Variants in RUFY3 observed in about 807,000 individuals in gnomAD.
The protein encoded by RUFY3 is protein RUFY3.
In RUFY3, 34 loss-of-function variants were observed where a neutral mutation model predicts 84.0. The ratio of observed to expected loss-of-function variants is 0.40; its 90% CI spans 0.31 to 0.54. The LOEUF (loss-of-function observed/expected upper bound fraction) is 0.54. Ranked by LOEUF, RUFY3 falls within the 20% of genes least tolerant of loss-of-function variation. The pLI, the probability that RUFY3 is intolerant of heterozygous loss-of-function variation, is 0.39. For missense variants in RUFY3, 507 were observed against 736.8 expected, an observed-to-expected ratio of 0.69 and a Z score of 3.61; for synonymous variants, 242 against 252.9, an observed-to-expected ratio of 0.96 and a Z score of 0.41.
chr4:70,794,946 GAGGC>G (rs780898132), intron 14 of RUFY3, 52 bp downstream of exon 14: 40 of 1,226,252 alleles, frequency 3.3e-5, no homozygotes, highest in Non-Finnish European at 4.4e-5. Flanking sequence ...TTAAATTTTA[GAGGC>G]TACCTTGATA....
chr4:70,705,286 G>C (rs1282356949), exon 1 of RUFY3: 4 of 1,417,386 alleles, frequency 2.8e-6, no homozygotes, highest in Non-Finnish European at 3.7e-6. Flanking sequence ...AGCGGCAGCG[G>C]CAAGCACCGT....
At chr4:70,795,646 A>G (rs1297607172) in intron 14 of RUFY3, among the ~76,000 whole-genome samples, 4 of 152,210 alleles carry the variant, frequency 2.6e-5, no homozygotes, top group African/African-American at 7.2e-5. Flanking sequence ...AAAGGTAAAG[A>G]TATATAAACT....
At chr4:70,793,533 C>T (rs941732899) in intron 12 of RUFY3, 12 of 1,349,250 alleles carry the variant, frequency 8.9e-6, no homozygotes, top group Non-Finnish European at 1.1e-5. Context: ...AACTGTAGTA[C>T]TAGAATAAAA....
chr4:70,704,847 G>A (rs1740070077), exon 1 of RUFY3: 2 of 870,136 alleles, frequency 2.3e-6, no homozygotes, highest in East Asian at 3.8e-5. Flanking sequence ...GCAGCGGACG[G>A]GACGGGGCGG....
intron 1 of RUFY3, among the ~76,000 whole-genome samples, chr4:70,751,185 T>C (rs535684578): frequency 6.6e-6 from 1 of 152,324 alleles, no homozygotes; most frequent in Admixed American, 6.5e-5. Flanking sequence ...GTAGTGAGCA[T>C]AGTACCCAAC....
intron 4 of RUFY3, among the ~76,000 whole-genome samples, chr4:70,767,401 C>T (rs916035797): frequency 6.7e-5 from 10 of 149,960 alleles, no homozygotes; most frequent in South Asian, 2.1e-4. Context: ...TGAGCCACTG[C>T]GCCTGGCGAT....
At chr4:70,804,098 T>A (rs1219462210) in intron 16 of RUFY3, among the ~76,000 whole-genome samples, 1 of 152,174 alleles carries the variant, frequency 6.6e-6, no homozygotes, top group African/African-American at 2.4e-5. Flanking sequence ...TAAAACTTTT[T>A]ACTCTATACT....
chr4:70,743,516 C>G (rs940388514), intron 1 of RUFY3, among the ~76,000 whole-genome samples: 2 of 152,098 alleles, frequency 1.3e-5, no homozygotes, highest in African/African-American at 4.8e-5. Flanking sequence ...AGGCAAGATT[C>G]TATTTCTTTA....
rs746825570 is a variant in RUFY3 at position 70,808,312 on chromosome 4, T to C, written c.*1653T>C. On this transcript the variant is annotated 3_prime_UTR_variant, in exon 18 of 18. Coordinates refer to ENST00000381006, the MANE Select transcript of RUFY3 (RefSeq NM_001037442.4). ...CTATCTATCTTTGAGTAACAAACTCTTTGGGGGAAAAGAGGGAAGTGTATT... is the reference window on the plus strand; with the variant it reads ...CTATCTATCTTTGAGTAACAAACTCCTTGGGGGAAAAGAGGGAAGTGTATT... 3.3e-5 allele frequency among the ~76,000 whole-genome samples: 5 copies of C among 151,812 alleles called. No individual in the cohort carries two copies. Among genetic ancestry groups the C allele is most frequent in the Non-Finnish European group, 5.9e-5 (4 of 68,032 alleles).
intron 10 of RUFY3, among the ~76,000 whole-genome samples, chr4:70,787,213 T>TAA (rs781765229): frequency 2.6e-5 from 3 of 115,698 alleles, no homozygotes; most frequent in Non-Finnish European, 5.1e-5. Flanking sequence ...TATATATATA[T>TAA]AAAAACAAAT....
intron 1 of RUFY3, among the ~76,000 whole-genome samples, chr4:70,744,189 A>T (rs958999723): frequency 3.3e-5 from 5 of 151,856 alleles, no homozygotes; most frequent in Non-Finnish European, 5.9e-5. Context: ...CTTTTTTAAA[A>T]TTTTATTTTA....
intron 1 of RUFY3, among the ~76,000 whole-genome samples, chr4:70,729,053 T>A (rs1399228649): frequency 6.6e-6 from 1 of 152,190 alleles, no homozygotes; most frequent in African/African-American, 2.4e-5. Flanking sequence ...GGGGTATATT[T>A]GAGAACAGTA....
At chr4:70,767,259 A>ATTTTTT (rs779388140) in intron 4 of RUFY3, among the ~76,000 whole-genome samples, 24 of 49,686 alleles carry the variant, frequency 4.8e-4, no homozygotes, top group Non-Finnish European at 5.6e-4. Flanking sequence ...CTAATTTTGT[A>ATTTTTT]TTTTTTTTTT....
rs552992321 is a variant in RUFY3 at position 70,710,574 on chromosome 4, G to A, written c.358+5280G>A. On this transcript the variant is annotated intron_variant, in intron 1 of 11. Transcript: ENST00000417478. ...GATCCCAGCTACTCAGGAGTTTGAG[G>A]CAGGAGAATCACTTGAACCCGGGAG... is the stretch of plus-strand genomic sequence containing the variant. 1.4e-3 allele frequency among the ~76,000 whole-genome samples: 213 copies of A among 152,160 alleles called. 1 individual carries two copies. Among genetic ancestry groups the A allele is most frequent in the Non-Finnish European group, 2.0e-3 (136 of 68,018 alleles).
intron 7 of RUFY3, among the ~76,000 whole-genome samples, chr4:70,777,984 C>G (rs187862521): frequency 1.8e-4 from 28 of 152,252 alleles, no homozygotes; most frequent in African/African-American, 6.7e-4. Context: ...GTAATCCCAG[C>G]ACTCTGGGAG....
chr4:70,742,181 G>A (rs1040500179), intron 1 of RUFY3, among the ~76,000 whole-genome samples: 1 of 152,098 alleles, frequency 6.6e-6, no homozygotes, highest in African/African-American at 2.4e-5. Context: ...ACAAGAGACT[G>A]AAACATGGAA....
intron 1 of RUFY3, among the ~76,000 whole-genome samples, chr4:70,710,040 T>C (rs1740798841): frequency 6.6e-6 from 1 of 152,204 alleles, no homozygotes. Flanking sequence ...GCGAGTGCCA[T>C]GATTAAGCCC....
At chr4:70,737,625 C>G (rs1434389535) in intron 1 of RUFY3, among the ~76,000 whole-genome samples, 1 of 151,904 alleles carries the variant, frequency 6.6e-6, no homozygotes, top group Non-Finnish European at 1.5e-5. Context: ...CACCTAGCTG[C>G]TCACCTAAGA....
intron 1 of RUFY3, among the ~76,000 whole-genome samples, chr4:70,733,472 T>G (rs1026353883): frequency 3.3e-5 from 5 of 152,150 alleles, no homozygotes; most frequent in Non-Finnish European, 7.4e-5. Context: ...TTCTCAGTAA[T>G]TGTACCAGAC....
Sources: gnomAD v4.1 joint callset for allele counts (sites outside exome capture counted in the v4.1 genomes callset) on GRCh38, gnomAD v4.1.1 for gene constraint, MANE v1.5 for transcripts, NCBI Gene and HGNC (gene_info 2026-07-23, HGNC 2026-07-21) for gene names.